Variants in KNDC1 observed in about 807,000 individuals in gnomAD.
The protein encoded by KNDC1 is kinase non-catalytic C-lobe domain-containing protein 1.
Under a neutral mutation model 172.8 loss-of-function variants are expected in KNDC1, and 106 were observed. The observed-to-expected ratio is 0.61, with a 90% CI of 0.52 to 0.72. KNDC1 has a LOEUF of 0.72. KNDC1 is among the 30% of genes least tolerant of loss of function. The pLI, the probability that KNDC1 is intolerant of heterozygous loss-of-function variation, is 0.00. For missense variants in KNDC1, 2,325 were observed against 2,394.5 expected (o/e 0.97, Z 0.61); for synonymous variants, 1,083 against 1,062.2 (o/e 1.02, Z -0.38).
intron 26 of KNDC1, among the ~76,000 whole-genome samples, chr10:133,217,341 C>A (rs965163051): frequency 2.0e-5 from 3 of 152,252 alleles, no homozygotes; most frequent in African/African-American, 7.2e-5. Flanking sequence ...CCTCTCAAGG[C>A]GCTCAGGCAA....
chr10:133,210,769 G>A, intron 21 of KNDC1, 45 bp downstream of exon 21: 1 of 1,494,138 alleles, frequency 6.7e-7, no homozygotes, highest in Non-Finnish European at 9.3e-7. Context: ...TTCCCCCTGG[G>A]GCAGGGTGGG....
In KNDC1 at chr10:133,186,093, G is replaced by A. The variant is rs1282220642; in HGVS notation, c.745G>A (p.Glu249Lys). The A allele has an allele frequency of 6.3e-7, 1 of 1,599,304 alleles. No individual in the cohort carries two copies. The highest frequency in any genetic ancestry group is 8.5e-7 in the Non-Finnish European group (1 of 1,173,956). Reference protein sequence around the residue: ...VLPTPEGPESETSRGPRASPT... With the variant: ...VLPTPEGPESKTSRGPRASPT... ...GCCGACCCCCGAAGGCCCGGAGTCTGAGACGAGCCGGGGCCCCAGAGCCTC... is the reference window on the plus strand; with the variant it reads ...GCCGACCCCCGAAGGCCCGGAGTCTAAGACGAGCCGGGGCCCCAGAGCCTC... Residue 249 changes from glutamate to lysine, a missense_variant, in exon 6 of 30, where the codon GAG becomes AAG. Coordinates refer to ENST00000304613, the MANE Select transcript of KNDC1 (RefSeq NM_152643.8).
chr10:133,198,881 G>T lies in KNDC1; in HGVS notation c.2373G>T (p.Ala791=). The T allele has an allele frequency of 6.3e-7, 1 of 1,595,434 alleles. No homozygotes were observed. The highest frequency in any genetic ancestry group is 8.5e-7 in the Non-Finnish European group (1 of 1,175,120). The change falls in exon 14 of 30, where the codon GCG becomes GCT. Residue 791 remains alanine (A), a synonymous_variant. Coordinates refer to ENST00000304613, the MANE Select transcript of KNDC1 (RefSeq NM_152643.8). ...PVPAPPTKAS[A]LPVEQGPAEP... Reference sequence around the variant, plus strand: ...CCGCCCCGCCCACGAAGGCATCTGCGCTGCCCGTAGAGCAAGGGCCGGCTG... The same window carrying T: ...CCGCCCCGCCCACGAAGGCATCTGCTCTGCCCGTAGAGCAAGGGCCGGCTG...
chr10:133,181,190 G>A (rs1853707339), intron 3 of KNDC1, among the ~76,000 whole-genome samples: 1 of 152,238 alleles, frequency 6.6e-6, no homozygotes, highest in African/African-American at 2.4e-5. Flanking sequence ...GATGCCACAT[G>A]GGGCACCCAG....
intron 3 of KNDC1, among the ~76,000 whole-genome samples, chr10:133,171,345 A>G (rs541756468): frequency 2.0e-5 from 3 of 152,278 alleles, no homozygotes; most frequent in East Asian, 3.9e-4. Context: ...ATCACGGCTC[A>G]CTGCAGCCTC....
chr10:133,186,727 G>C, intron 6 of KNDC1, 53 bp downstream of exon 6: 1 of 1,331,300 alleles, frequency 7.5e-7, no homozygotes, highest in Non-Finnish European at 1.0e-6. Context: ...CAGTGAGTCC[G>C]GGGCCGGGCC....
At chr10:133,206,115 G>C (rs1339920032) in intron 17 of KNDC1, among the ~76,000 whole-genome samples, 1 of 152,162 alleles carries the variant, frequency 6.6e-6, no homozygotes, top group African/African-American at 2.4e-5. Context: ...CAGGAGAATC[G>C]CTTGAACCTG....
rs1845552205 is a variant in KNDC1, at chr10:133,220,095, C to CAGG, written c.5002_5004dup (p.Arg1668dup). 2 of 1,566,500 alleles carry CAGG rather than the reference C, an allele frequency of 1.3e-6. No individual in the cohort carries two copies. The highest frequency in any genetic ancestry group is 1.7e-6 in the Non-Finnish European group (2 of 1,155,712). ...GCTTCACCATGACCAACGGGGCCCA[C>CAGG]AGGTGGAGCAAGCTCAGGTGAGGAG... On this transcript the variant is annotated inframe_insertion, in exon 29 of 30. Transcript: ENST00000304613.
intron 6 of KNDC1, among the ~76,000 whole-genome samples, chr10:133,187,593 C>T (rs1208367167): frequency 1.3e-5 from 2 of 152,166 alleles, no homozygotes; most frequent in Admixed American, 6.5e-5. Flanking sequence ...CCTGGCGGCA[C>T]GCCTTCCCAC....
Position 133,200,374 on chromosome 10 carries a change from GC to G in KNDC1, c.2904del (p.Ser968ArgfsTer73). On this transcript the variant is annotated frameshift_variant and splice_region_variant, in exon 16 of 30. Coordinates refer to ENST00000304613, the MANE Select transcript of KNDC1 (RefSeq NM_152643.8). LOFTEE classifies it high-confidence loss of function. ...GGACTGACCTGCATTCTCGTCGTCA[GC>G]ACGGCCGAGGAGGCTGGGTCACAGC... ...VVNGQASPSP[S>X]TAEEAGSQLE... 6.3e-7 allele frequency: 1 copy of G among 1,585,774 alleles called. No homozygotes were observed. The highest frequency in any genetic ancestry group is 8.6e-7 in the Non-Finnish European group (1 of 1,167,374).
rs777765999 is a variant in KNDC1 at position 133,168,263 on chromosome 10, AGG to A, written c.313_314del (p.Gly105CysfsTer15). The A allele has an allele frequency of 6.2e-7, 1 of 1,614,064 alleles. No individual in the cohort carries two copies. The highest frequency in any genetic ancestry group is 8.5e-7 in the Non-Finnish European group (1 of 1,179,978). ...CTCTCTCCTCCCCAAGACGACCCTG[AGG>A]GTGCCTTCGTTCCCCCCGAGTTCGA... On this transcript the variant is annotated frameshift_variant, in exon 3 of 30. Transcript: ENST00000304613. LOFTEE classifies it high-confidence loss of function.
At chr10:133,219,252 A>G (rs1845531757) in intron 28 of KNDC1, among the ~76,000 whole-genome samples, 162 bp downstream of exon 28, 1 of 152,230 alleles carries the variant, frequency 6.6e-6, no homozygotes, top group Non-Finnish European at 1.5e-5. Context: ...ATCTCCCGGC[A>G]GGGCCTCTGT....
At chr10:133,217,450 C>T (rs1317187702) in intron 26 of KNDC1, among the ~76,000 whole-genome samples, 2 of 152,246 alleles carry the variant, frequency 1.3e-5, no homozygotes, top group African/African-American at 2.4e-5. Context: ...GGGGCAGGCG[C>T]GGTGGCTCAC....
intron 23 of KNDC1, among the ~76,000 whole-genome samples, chr10:133,212,339 T>C (rs1431419460): frequency 6.6e-6 from 1 of 152,204 alleles, no homozygotes. Flanking sequence ...ACCCCCTCCA[T>C]GTTCCCGGTC....
chr10:133,171,591 T>C lies in KNDC1; in HGVS notation c.360+3279T>C, dbSNP rs531683052. Among the ~76,000 whole-genome samples the C allele has an allele frequency of 4.7e-4, 72 of 152,076 alleles. No homozygotes were observed. In the South Asian group the frequency reaches 0.013, roughly 27 times the overall value. Reference sequence around the variant, plus strand: ...CCGGCCAATTGTATTGTCCTCTTTTTAATTACATTTTTCTGTTTGTTTGTT... The same window carrying C: ...CCGGCCAATTGTATTGTCCTCTTTTCAATTACATTTTTCTGTTTGTTTGTT... On this transcript the variant is annotated intron_variant, in intron 3 of 29. Transcript: ENST00000304613.
Position 133,199,447 on chromosome 10 carries a change from T to C in KNDC1, c.2759-11T>C. On this transcript the variant is annotated splice_polypyrimidine_tract_variant and intron_variant, in intron 14 of 29. Transcript: ENST00000304613. ...ACCATCTCACTTGTCTCCATCGTTTTGCAAAACCAGGGGAGTACATCTTCG... is the reference window on the plus strand; with the variant it reads ...ACCATCTCACTTGTCTCCATCGTTTCGCAAAACCAGGGGAGTACATCTTCG... The C allele has an allele frequency of 6.2e-7, 1 of 1,612,878 alleles. No homozygotes were observed. The highest frequency in any genetic ancestry group is 2.2e-5 in the East Asian group (1 of 44,870).
intron 3 of KNDC1, among the ~76,000 whole-genome samples, chr10:133,169,424 C>T (rs189335124): frequency 2.0e-5 from 3 of 152,360 alleles, no homozygotes; most frequent in Admixed American, 6.5e-5. Context: ...GGCACCACTG[C>T]ACTCCAGCCT....
At chr10:133,183,533 C>T (rs777100611) in intron 4 of KNDC1, 43 bp downstream of exon 4, 38 of 1,557,700 alleles carry the variant, frequency 2.4e-5, no homozygotes, top group Non-Finnish European at 3.1e-5. Flanking sequence ...GTGACCCTGA[C>T]CCCACAGGCC....
rs1341435039 is a variant in KNDC1 at position 133,163,778 on chromosome 10, G to A, written c.102+3209G>A. Among the ~76,000 whole-genome samples the A allele has an allele frequency of 6.6e-6, 1 of 152,206 alleles. No individual in the cohort carries two copies. The highest frequency in any genetic ancestry group is 1.5e-5 in the Non-Finnish European group (1 of 68,020). On this transcript the variant is annotated intron_variant, in intron 1 of 29. Coordinates refer to ENST00000304613, the MANE Select transcript of KNDC1 (RefSeq NM_152643.8). This position sits in a 1 kb window ranked among gnomAD's most constrained non-coding sequence, Gnocchi z 4.4. ...AATGGGGACCTGCCATGAGATAAGG[G>A]TCCTCGGTGGGAAGCGTGCCCTGCC...
Sources: allele counts gnomAD v4.1 joint callset (sites outside exome capture counted in the v4.1 genomes callset), GRCh38; gene constraint gnomAD v4.1.1; non-coding constraint Gnocchi (gnomAD v3.1); transcripts MANE v1.5; gene names NCBI Gene and HGNC (gene_info 2026-07-23, HGNC 2026-07-21).